Variants in RPS6KC1 observed in about 807,000 individuals in gnomAD.
The protein encoded by RPS6KC1 is ribosomal protein S6 kinase C1, also known as inactive ribosomal protein S6 kinase delta-1.
Under a neutral mutation model 103.8 loss-of-function variants are expected in RPS6KC1, and 54 were observed. The ratio of observed to expected loss-of-function variants is 0.52; its 90% CI spans 0.42 to 0.65. The LOEUF (loss-of-function observed/expected upper bound fraction) is 0.65. Ranked by LOEUF, RPS6KC1 falls within the 30% of genes least tolerant of loss-of-function variation. The pLI, the probability that RPS6KC1 is intolerant of heterozygous loss-of-function variation, is 0.00. For synonymous variants in RPS6KC1, 439 were observed against 438.7 expected (o/e 1.00, Z -0.01); for missense variants, 1,151 against 1,253.8 (o/e 0.92, Z 1.24).
At chr1:213,287,356 G>A in the RPS6KC1 span, among the ~76,000 whole-genome samples, 43 of 151,978 alleles carry the variant, frequency 2.8e-4, no homozygotes, top group Non-Finnish European at 5.1e-4. Flanking sequence ...CAGGGCTACT[G>A]CTAGCCTTTA....
rs1465104582 is a variant in RPS6KC1 at position 213,240,705 on chromosome 1, G to A, written c.1229G>A (p.Gly410Asp). 1 of 1,602,324 alleles carries A rather than the reference G, an allele frequency of 6.2e-7. No homozygotes were observed. The highest frequency in any genetic ancestry group is 8.5e-7 in the Non-Finnish European group (1 of 1,174,284). ...GTTTTGTTATACTTGTTCACAGGTG[G>A]CAAACTGTGGTCATATATCAGTAAA... The part of the protein sequence containing the change: ...VFLVLQHAEG[G>D]KLWSYISKFL... The change falls in exon 11 of 15, where the codon GGC becomes GAC. Residue 410 changes from glycine (G) to aspartate (D), a missense_variant. Coordinates refer to ENST00000366960, the MANE Select transcript of RPS6KC1 (RefSeq NM_012424.6).
At chr1:213,603,380 G>A in the RPS6KC1 span, among the ~76,000 whole-genome samples, 1 of 152,176 alleles carries the variant, frequency 6.6e-6, no homozygotes, top group Non-Finnish European at 1.5e-5. Flanking sequence ...CTGGGGAGAG[G>A]GTAAACACCT....
At chr1:213,710,064 T>C in the RPS6KC1 span, among the ~76,000 whole-genome samples, 1 of 152,240 alleles carries the variant, frequency 6.6e-6, no homozygotes, top group Non-Finnish European at 1.5e-5. Context: ...GTTCAAGTCC[T>C]GAATATCTTT....
At chr1:213,390,998 T>C in the RPS6KC1 span, among the ~76,000 whole-genome samples, 1 of 151,834 alleles carries the variant, frequency 6.6e-6, no homozygotes. Context: ...CCGATGTATA[T>C]GATTCTAGTT....
chr1:213,261,961 T>C (rs2094807427), intron 13 of RPS6KC1, among the ~76,000 whole-genome samples: 1 of 152,214 alleles, frequency 6.6e-6, no homozygotes, highest in Non-Finnish European at 1.5e-5. Context: ...TGTAAGGATG[T>C]ATTAAAATTC....
At chr1:213,630,513 C>T in the RPS6KC1 span, among the ~76,000 whole-genome samples, 1 of 152,084 alleles carries the variant, frequency 6.6e-6, no homozygotes, top group Non-Finnish European at 1.5e-5. Context: ...ACTTCTTTGC[C>T]ATGGGTTCGA....
At chr1:213,460,618 G>T in the RPS6KC1 span, among the ~76,000 whole-genome samples, 3 of 152,164 alleles carry the variant, frequency 2.0e-5, no homozygotes, top group East Asian at 5.8e-4. Context: ...GTGTGAATTT[G>T]ATCCTGTCAT....
At chr1:213,456,346 G>T in the RPS6KC1 span, among the ~76,000 whole-genome samples, 2 of 152,106 alleles carry the variant, frequency 1.3e-5, no homozygotes, top group Admixed American at 1.3e-4. Flanking sequence ...ATACACAAAA[G>T]ATAGTCTGAC....
At chr1:213,399,517 A>C in the RPS6KC1 span, among the ~76,000 whole-genome samples, 12 of 152,106 alleles carry the variant, frequency 7.9e-5, no homozygotes, top group Non-Finnish European at 1.5e-4. Flanking sequence ...TGTTGACTCC[A>C]AAACTGCTTA....
chr1:213,676,573 C>T, the RPS6KC1 span, among the ~76,000 whole-genome samples: 27 of 152,298 alleles, frequency 1.8e-4, no homozygotes, highest in Admixed American at 7.8e-4. Context: ...ATATACTCCC[C>T]GGCCCCATTG....
chr1:213,266,529 C>A (rs2094915653), intron 14 of RPS6KC1, among the ~76,000 whole-genome samples: 2 of 152,030 alleles, frequency 1.3e-5, no homozygotes, highest in South Asian at 4.1e-4. Flanking sequence ...TGAAGTTAGA[C>A]AGATTTGGTA....
the RPS6KC1 span, among the ~76,000 whole-genome samples, chr1:213,369,483 C>A: frequency 6.6e-6 from 1 of 152,334 alleles, no homozygotes; most frequent in East Asian, 1.9e-4. Flanking sequence ...AAGGATGTCA[C>A]AGAGAAATGC....
At chr1:213,441,624 T>G in the RPS6KC1 span, among the ~76,000 whole-genome samples, 1 of 152,224 alleles carries the variant, frequency 6.6e-6, no homozygotes, top group Non-Finnish European at 1.5e-5. Flanking sequence ...ACTTGGTTAT[T>G]GTACATAGTG....
At chr1:213,083,711 A>T (rs2080117506) in intron 3 of RPS6KC1, among the ~76,000 whole-genome samples, 2 of 152,074 alleles carry the variant, frequency 1.3e-5, no homozygotes, top group South Asian at 4.1e-4. Context: ...GGCCAAAGAG[A>T]GGTCTGTGTT....
chr1:213,779,755 G>A, the RPS6KC1 span, among the ~76,000 whole-genome samples: 1 of 152,210 alleles, frequency 6.6e-6, no homozygotes, highest in African/African-American at 2.4e-5. Flanking sequence ...AGAAAGTTTA[G>A]TCAAAAGGGT....
chr1:213,557,899 G>A, the RPS6KC1 span, among the ~76,000 whole-genome samples: 1 of 152,138 alleles, frequency 6.6e-6, no homozygotes, highest in Non-Finnish European at 1.5e-5. Context: ...TTCTCAGTGG[G>A]TTGAGTTTGT....
At chr1:213,511,234 AAACTGGGGGC>A in the RPS6KC1 span, among the ~76,000 whole-genome samples, 4 of 152,178 alleles carry the variant, frequency 2.6e-5, no homozygotes, top group Non-Finnish European at 4.4e-5. Context: ...CAAAGACCAA[AAACTGGGGGC>A]ACTGTTCTCC....
At chr1:213,124,501 G>T (rs552968981) in intron 5 of RPS6KC1, among the ~76,000 whole-genome samples, 1 of 152,042 alleles carries the variant, frequency 6.6e-6, no homozygotes, top group Non-Finnish European at 1.5e-5. Context: ...TTTGCGTTTC[G>T]TATGATATTT....
chr1:213,097,981 C>T (rs1030825599), intron 3 of RPS6KC1, among the ~76,000 whole-genome samples: 1 of 152,206 alleles, frequency 6.6e-6, no homozygotes, highest in Non-Finnish European at 1.5e-5. Context: ...TTCTCCATAT[C>T]AGCAATAACG....
Sources: allele counts gnomAD v4.1 joint callset (sites outside exome capture counted in the v4.1 genomes callset), GRCh38; gene constraint gnomAD v4.1.1; transcripts MANE v1.5; gene names NCBI Gene and HGNC (gene_info 2026-07-23, HGNC 2026-07-21).